Variants in ZDHHC11 observed in about 807,000 individuals in gnomAD.
ZDHHC11 encodes the protein palmitoyltransferase ZDHHC11.
ZDHHC11 carries 44 observed loss-of-function variants against 51.3 expected under a neutral mutation model. The observed-to-expected ratio is 0.86, with a 90% CI of 0.67 to 1.10. The LOEUF (loss-of-function observed/expected upper bound fraction) is 1.10, where lower values mean the gene tolerates loss of function less well. Ranked by LOEUF, ZDHHC11 falls within the 50% of genes least tolerant of loss-of-function variation. The pLI is 0.00. For missense variants in ZDHHC11, 400 were observed against 537.7 expected, an observed-to-expected ratio of 0.74 and a Z score of 2.53; for synonymous variants, 163 against 222.0, an observed-to-expected ratio of 0.73 and a Z score of 2.36.
intron 10 of ZDHHC11, among the ~76,000 whole-genome samples, chr5:818,172 A>G (rs1463414246): frequency 6.6e-6 from 1 of 151,208 alleles, no homozygotes; most frequent in African/African-American, 2.4e-5. Flanking sequence ...CGTCATCTAC[A>G]CCGAGATGCT....
intron 11 of ZDHHC11, among the ~76,000 whole-genome samples, chr5:805,658 G>A (rs1739137082): frequency 6.6e-6 from 1 of 151,236 alleles, no homozygotes; most frequent in Non-Finnish European, 1.5e-5. Flanking sequence ...CTAAATAGCA[G>A]AAGTGAATCA....
At chr5:854,961 GGGC>G (rs1747939591), upstream of ZDHHC11, among the ~76,000 whole-genome samples, 1 of 149,898 alleles carries the variant, frequency 6.7e-6, no homozygotes, top group African/African-American at 2.5e-5. Context: ...GTGAGCCGGG[GGGC>G]ACAGACCCCA....
At position 840,624 on chromosome 5, in the gene ZDHHC11, G is replaced by A. The variant is rs752475958; in HGVS notation, c.655C>T (p.Leu219=). ...TGCACCGGGAACAGGGGGAGGAACA[G>A]CAGCCACGTGTTCATATTCTTGACA... ...EDVKNMNTWL[L]FLPLFPVQVQ... The change falls in exon 5 of 13, where the codon CTG becomes TTG. Residue 219 remains leucine, a synonymous_variant. Coordinates refer to ENST00000283441, the MANE Select transcript of ZDHHC11 (RefSeq NM_024786.3). 2 of 1,613,878 alleles carry A rather than the reference G, an allele frequency of 1.2e-6. No homozygotes were observed. Among genetic ancestry groups the A allele is most frequent in the East Asian group, 4.5e-5 (2 of 44,892 alleles).
intron 11 of ZDHHC11, among the ~76,000 whole-genome samples, chr5:805,001 T>C (rs1739043374): frequency 6.6e-6 from 1 of 151,444 alleles, no homozygotes; most frequent in African/African-American, 2.4e-5. Context: ...TCTTTTTTTC[T>C]ATATAATTTA....
intron 11 of ZDHHC11, among the ~76,000 whole-genome samples, chr5:814,366 T>G (rs1480184652): frequency 1.1e-4 from 17 of 151,358 alleles, no homozygotes; most frequent in African/African-American, 3.9e-4. Context: ...GCAGTTGGGC[T>G]GGAATTGTGC....
intron 1 of ZDHHC11, among the ~76,000 whole-genome samples, chr5:858,675 C>G (rs1748618503): frequency 6.6e-6 from 1 of 152,148 alleles, no homozygotes; most frequent in Non-Finnish European, 1.5e-5. Context: ...TGGAAGCCAC[C>G]CCACCCTGGT....
chr5:800,567 CAT>C (rs1485463729), intron 12 of ZDHHC11, among the ~76,000 whole-genome samples: 6 of 151,600 alleles, frequency 4.0e-5, no homozygotes, highest in Non-Finnish European at 8.9e-5. Flanking sequence ...TTTGCCAACT[CAT>C]GTGTGTGCCT....
At chr5:810,542 G>A (rs1293526909) in intron 11 of ZDHHC11, among the ~76,000 whole-genome samples, 1 of 151,074 alleles carries the variant, frequency 6.6e-6, no homozygotes, top group Non-Finnish European at 1.5e-5. Context: ...TTCCCCGTGT[G>A]GCAAAGCGTG....
At chr5:833,269 C>A (rs1156697666) in intron 7 of ZDHHC11, among the ~76,000 whole-genome samples, 1 of 152,154 alleles carries the variant, frequency 6.6e-6, no homozygotes, top group Admixed American at 6.5e-5. Context: ...CACTGCACAG[C>A]ACTAGCTCCA....
intron 1 of ZDHHC11, among the ~76,000 whole-genome samples, chr5:856,973 C>T (rs1748351410): frequency 6.6e-6 from 1 of 151,594 alleles, no homozygotes; most frequent in African/African-American, 2.4e-5. Context: ...GCATACCACA[C>T]ACAGCACACA....
rs553529661 is a variant in ZDHHC11, at chr5:821,877, A to T, written c.1042T>A (p.Cys348Ser). 7.2e-5 allele frequency: 116 copies of T among 1,606,330 alleles called. 1 individual carries two copies. The African/African-American group carries it at 1.5e-3, about 21-fold the overall frequency. Residue 348 changes from cysteine (C) to serine (S), a missense_variant, in exon 9 of 13, where the codon TGT (cysteine) becomes AGT (serine). By Grantham distance (112) the Cys-to-Ser change is moderately radical. Around this residue, in one of 5 missense-constraint regions of ZDHHC11, gnomAD observed 231 missense variants for 227.4 expected, o/e 1.02. Coordinates refer to ENST00000283441, the MANE Select transcript of ZDHHC11 (RefSeq NM_024786.3). ...STAREGDEDPCPSALGAKARN... is the reference protein window; with the variant it reads ...STAREGDEDPSPSALGAKARN... ...CAAACTCACCCAAGTGCAGATGGAC[A>T]CGGGTCTTCATCCCCTTCCTGTGGG...
At chr5:824,153 A>C (rs1394673488) in intron 8 of ZDHHC11, 9 of 448,136 alleles carry the variant, frequency 2.0e-5, no homozygotes, top group Non-Finnish European at 4.0e-5. Context: ...CCATGACAAA[A>C]CCTGCTCAAA....
rs58948043 is a variant in ZDHHC11 at position 824,769 on chromosome 5, T to TAA, written c.1023+393_1023+394dup. On this transcript the variant is annotated intron_variant, in intron 8 of 12. Transcript: ENST00000283441. Reference sequence around the variant, plus strand: ...CACAGTCTTTCCTAAGCATTTTATTTAAAAAAAAAAAAAAAACAGCACATG... The same window carrying TAA: ...CACAGTCTTTCCTAAGCATTTTATTTAAAAAAAAAAAAAAAAAACAGCACATG... 2.8e-4 allele frequency among the ~76,000 whole-genome samples: 35 copies of TAA among 125,544 alleles called. 2 individuals carry two copies. In the South Asian group the frequency reaches 6.5e-3, roughly 23 times the overall value. 82.4% of individuals were successfully genotyped at this position (125,544 alleles called of 152,430 possible).
At chr5:825,954 T>TA (rs1363626294) in intron 7 of ZDHHC11, among the ~76,000 whole-genome samples, 5 of 144,792 alleles carry the variant, frequency 3.5e-5, no homozygotes, top group African/African-American at 1.0e-4. Context: ...GTCAGCACAG[T>TA]AAACCTATCG....
intron 11 of ZDHHC11, among the ~76,000 whole-genome samples, chr5:804,222 T>C (rs546820840): frequency 5.3e-5 from 8 of 151,206 alleles, no homozygotes; most frequent in African/African-American, 1.7e-4. Flanking sequence ...CTCAGTAGCA[T>C]GATGAAATAT....
intron 11 of ZDHHC11, among the ~76,000 whole-genome samples, chr5:813,344 A>G (rs539044165): frequency 7.0e-6 from 1 of 141,944 alleles, no homozygotes; most frequent in Non-Finnish European, 1.5e-5. Flanking sequence ...ATAAAAAAAT[A>G]AAAAAATAAA....
At chr5:821,739 G>T in intron 9 of ZDHHC11, 122 bp downstream of exon 9, 1 of 1,000,608 alleles carries the variant, frequency 1.0e-6, no homozygotes, top group Non-Finnish European at 1.4e-6. Context: ...CCACCTCCTG[G>T]CACTTCAGGA....
At chr5:809,015 G>GACA (rs1739723124) in intron 11 of ZDHHC11, among the ~76,000 whole-genome samples, 9 of 82,678 alleles carry the variant, frequency 1.1e-4, no homozygotes, top group African/African-American at 2.3e-4. Context: ...ACACACACAC[G>GACA]CACACTATTT....
intron 3 of ZDHHC11, among the ~76,000 whole-genome samples, chr5:846,336 G>C (rs1296413746): frequency 6.6e-6 from 1 of 151,068 alleles, no homozygotes; most frequent in African/African-American, 2.5e-5. Context: ...GGTCAGCACA[G>C]AGTAGCTGGG....
Sources: allele counts gnomAD v4.1 joint callset (sites outside exome capture counted in the v4.1 genomes callset), GRCh38; gene constraint gnomAD v4.1.1; regional missense constraint gnomAD v4.1.1; transcripts MANE v1.5; gene names NCBI Gene and HGNC (gene_info 2026-07-23, HGNC 2026-07-21).